Variants in MECOM observed in about 807,000 individuals in gnomAD.
MECOM encodes histone-lysine N-methyltransferase MECOM.
A neutral mutation model predicts 116.3 loss-of-function variants in MECOM; 13 were observed. The observed-to-expected ratio is 0.11, with a 90% CI of 0.07 to 0.18. MECOM has a LOEUF of 0.18. Ranked by LOEUF, MECOM falls within the 10% of genes least tolerant of loss-of-function variation. The pLI is 1.00. For missense variants in MECOM, 1,299 were observed against 1,509.0 expected, an observed-to-expected ratio of 0.86 and a Z score of 2.31; for synonymous variants, 528 against 535.2, an observed-to-expected ratio of 0.99 and a Z score of 0.19.
In MECOM at chr3:169,422,591, A is replaced by G. The variant is rs569371193; in HGVS notation, c.38-41067T>C. ...CATTCTTTTGAATGGAAAGGAATTTATGTCATTTAATGGAGTCAAGAAAGA... is the reference window on the plus strand; with the variant it reads ...CATTCTTTTGAATGGAAAGGAATTTGTGTCATTTAATGGAGTCAAGAAAGA... On this transcript the variant is annotated intron_variant, in intron 1 of 16. Transcript: ENST00000651503. Among the ~76,000 whole-genome samples, 15 of 152,194 alleles carry G rather than the reference A, an allele frequency of 9.9e-5. No individual in the cohort carries two copies. In the South Asian group the frequency reaches 2.9e-3, roughly 29 times the overall value.
chr3:169,378,948 T>G (rs1270942387), intron 2 of MECOM, among the ~76,000 whole-genome samples: 1 of 151,922 alleles, frequency 6.6e-6, no homozygotes, highest in Non-Finnish European at 1.5e-5. Flanking sequence ...CTTCATCATT[T>G]TTTTCAAAAA....
At chr3:169,377,770 C>A (rs1325998123) in intron 2 of MECOM, among the ~76,000 whole-genome samples, 1 of 152,114 alleles carries the variant, frequency 6.6e-6, no homozygotes, top group East Asian at 1.9e-4. Flanking sequence ...GTGGCGATTC[C>A]TCAAGTATCT....
intron 1 of MECOM, among the ~76,000 whole-genome samples, chr3:169,576,217 T>C (rs187702132): frequency 1.3e-5 from 2 of 152,286 alleles, no homozygotes; most frequent in East Asian, 1.9e-4. Context: ...TAAAACAGTA[T>C]GTCATTCCTT....
At chr3:169,525,785 T>C (rs1391428545) in intron 1 of MECOM, among the ~76,000 whole-genome samples, 2 of 152,148 alleles carry the variant, frequency 1.3e-5, no homozygotes, top group Admixed American at 1.3e-4. Context: ...TCCTAGCACT[T>C]TGGGAGGCCG....
chr3:169,630,598 A>G (rs1771968243), intron 1 of MECOM, among the ~76,000 whole-genome samples: 1 of 152,164 alleles, frequency 6.6e-6, no homozygotes, highest in Non-Finnish European at 1.5e-5. Flanking sequence ...GACTACAGGT[A>G]CACACCACCA....
rs1184710874 is a variant in MECOM, at chr3:169,089,138, A to G, written c.3447T>C (p.His1149=). The stretch of plus-strand genomic sequence containing the variant: ...TGAGGCTATCTGTGAAGTGCCTTAT[A>G]TGATCTAGAGCAGAAAGTCCACTTT... ...EYKSGLSALD[H]IRHFTDSLKM... The change falls in exon 16 of 17, where the codon CAT becomes CAC. Residue 1149 remains histidine, a synonymous_variant. Transcript: ENST00000651503. 1 of 1,598,706 alleles carries G rather than the reference A, an allele frequency of 6.3e-7. No homozygotes were observed. The highest frequency in any genetic ancestry group is 8.5e-7 in the Non-Finnish European group (1 of 1,173,638).
intron 1 of MECOM, among the ~76,000 whole-genome samples, chr3:169,413,009 A>C (rs1737802559): frequency 1.3e-5 from 2 of 152,252 alleles, no homozygotes; most frequent in South Asian, 4.1e-4. Context: ...ATTGTTTTAG[A>C]AAATATATAA....
intron 2 of MECOM, among the ~76,000 whole-genome samples, chr3:169,288,250 A>G (rs969298891): frequency 1.3e-5 from 2 of 152,010 alleles, no homozygotes; most frequent in Admixed American, 1.3e-4. Flanking sequence ...AAATCTTGAT[A>G]ATTTACTTTG....
chr3:169,439,543 G>A (rs1397695424), intron 1 of MECOM, among the ~76,000 whole-genome samples: 2 of 152,056 alleles, frequency 1.3e-5, no homozygotes, highest in East Asian at 1.9e-4. Context: ...AATTAAGGCT[G>A]TAATGAGATA....
chr3:169,489,242 T>C (rs1752784932), intron 1 of MECOM, among the ~76,000 whole-genome samples: 1 of 152,166 alleles, frequency 6.6e-6, no homozygotes, highest in Non-Finnish European at 1.5e-5. Context: ...ATCTCCAAAA[T>C]ACATTAACCT....
At chr3:169,241,492 C>A (rs1577441877) in intron 2 of MECOM, among the ~76,000 whole-genome samples, 1 of 152,270 alleles carries the variant, frequency 6.6e-6, no homozygotes, top group East Asian at 1.9e-4. Context: ...CGAAACTATT[C>A]ATTTTGTTTA....
chr3:169,539,959 T>C (rs945696536), intron 1 of MECOM, among the ~76,000 whole-genome samples: 49 of 152,310 alleles, frequency 3.2e-4, no homozygotes, highest in African/African-American at 1.1e-3. Context: ...TGCCTTCCTA[T>C]TTTCCTCTGG....
At chr3:169,176,140 C>T (rs1745129819) in intron 2 of MECOM, among the ~76,000 whole-genome samples, 1 of 146,930 alleles carries the variant, frequency 6.8e-6, no homozygotes, top group Non-Finnish European at 1.5e-5. Context: ...CACACATACA[C>T]ACCAAAAAAA....
In MECOM at chr3:169,151,926, A is replaced by C. The variant is rs76038027; in HGVS notation, c.376-8094T>G. Among the ~76,000 whole-genome samples the C allele has an allele frequency of 3.2e-3, 484 of 152,344 alleles. 2 individuals are homozygous for C. The highest frequency in any genetic ancestry group is 0.011 in the African/African-American group (459 of 41,574). On this transcript the variant is annotated intron_variant, in intron 2 of 16. Coordinates refer to ENST00000651503, the MANE Select transcript of MECOM (RefSeq NM_004991.4). ...TTTCCCAAATCTTTTTATTTAATAGAGTAAACTTTGTAATGAAGCATGACC... is the reference window on the plus strand; with the variant it reads ...TTTCCCAAATCTTTTTATTTAATAGCGTAAACTTTGTAATGAAGCATGACC...
chr3:169,202,383 C>G (rs776497314), intron 2 of MECOM, among the ~76,000 whole-genome samples: 3 of 151,954 alleles, frequency 2.0e-5, no homozygotes, highest in Non-Finnish European at 2.9e-5. Context: ...GTGGCAATCA[C>G]CAAATTAGGT....
At chr3:169,608,594 G>A (rs922213377) in intron 1 of MECOM, among the ~76,000 whole-genome samples, 1 of 152,120 alleles carries the variant, frequency 6.6e-6, no homozygotes, top group African/African-American at 2.4e-5. Context: ...CCTGGCAAAA[G>A]GACCTTCCCT....
chr3:169,209,928 C>T (rs570188350), intron 2 of MECOM, among the ~76,000 whole-genome samples: 12 of 152,090 alleles, frequency 7.9e-5, no homozygotes, highest in Non-Finnish European at 1.6e-4. Context: ...GCACTATTTA[C>T]AATAGCAAAG....
intron 2 of MECOM, among the ~76,000 whole-genome samples, chr3:169,354,472 TA>T (rs1726903127): frequency 1.3e-5 from 2 of 151,964 alleles, no homozygotes; most frequent in African/African-American, 4.8e-5. Context: ...GCTACTTTCA[TA>T]GGACACAAAA....
chr3:169,447,700 C>T (rs1396915852), intron 1 of MECOM, among the ~76,000 whole-genome samples: 3 of 152,132 alleles, frequency 2.0e-5, no homozygotes. Context: ...CAGGAAACAA[C>T]TAAGAGGAAG....
Sources: allele counts gnomAD v4.1 joint callset (sites outside exome capture counted in the v4.1 genomes callset), GRCh38; gene constraint gnomAD v4.1.1; transcripts MANE v1.5; gene names NCBI Gene and HGNC (gene_info 2026-07-23, HGNC 2026-07-21).